TPRG1: variants seen among roughly 807,000 people sequenced by gnomAD.
TPRG1 encodes the protein tumor protein p63 regulated 1, also known as tumor protein p63-regulated gene 1 protein.
In TPRG1, 29 loss-of-function variants were observed where a neutral mutation model predicts 29.3. That is an observed-to-expected ratio of 0.99 (90% CI 0.74 to 1.35). The LOEUF (loss-of-function observed/expected upper bound fraction) is 1.35, where lower values mean the gene tolerates loss of function less well. Ranked by LOEUF, TPRG1 falls within the 40% of genes most tolerant of loss-of-function variation. The pLI is 0.00. For synonymous variants in TPRG1, 130 were observed against 116.8 expected, an observed-to-expected ratio of 1.11 and a Z score of -0.73; for missense variants, 327 against 335.0, an observed-to-expected ratio of 0.98 and a Z score of 0.19.
chr3:189,264,836 A>C (rs1185094795), intron 4 of TPRG1, among the ~76,000 whole-genome samples: 1 of 152,218 alleles, frequency 6.6e-6, no homozygotes, highest in African/African-American at 2.4e-5. Context: ...AAAATCCCAC[A>C]GTATTTTTCT....
chr3:189,301,790 A>G (rs1187425743), intron 4 of TPRG1, among the ~76,000 whole-genome samples: 3 of 152,186 alleles, frequency 2.0e-5, no homozygotes, highest in Non-Finnish European at 4.4e-5. Flanking sequence ...CTAGTTTTGC[A>G]TCTGGCAATT....
At chr3:189,283,646 G>T (rs1050835543) in intron 4 of TPRG1, among the ~76,000 whole-genome samples, 3 of 152,180 alleles carry the variant, frequency 2.0e-5, no homozygotes, top group African/African-American at 7.2e-5. Flanking sequence ...GTTGGGGAAC[G>T]ATCAGCAGTG....
At chr3:189,118,238 T>G (rs1454561022) in intron 1 of TPRG1, among the ~76,000 whole-genome samples, 1 of 152,170 alleles carries the variant, frequency 6.6e-6, no homozygotes, top group Non-Finnish European at 1.5e-5. Context: ...GGAAAGAGAC[T>G]GGCCGCATTC....
chr3:189,031,183 C>G (rs934938750), intron 4 of TPRG1, among the ~76,000 whole-genome samples: 5 of 151,804 alleles, frequency 3.3e-5, no homozygotes, highest in African/African-American at 1.2e-4. Flanking sequence ...CCCAGCTGCT[C>G]GGGAGGCTGA....
intron 1 of TPRG1, among the ~76,000 whole-genome samples, chr3:189,189,306 A>G (rs6764216): frequency 0.36 from 54,970 of 151,584 alleles, 10,063 homozygotes; most frequent in South Asian, 0.52. Flanking sequence ...TGCCATAGAT[A>G]TCTTTCTATT....
intron 4 of TPRG1, among the ~76,000 whole-genome samples, chr3:189,258,926 T>C (rs1482234262): frequency 6.6e-6 from 1 of 152,190 alleles, no homozygotes; most frequent in Non-Finnish European, 1.5e-5. Flanking sequence ...CAGTGGATCT[T>C]AGCTTGCTGG....
intron 1 of TPRG1, among the ~76,000 whole-genome samples, chr3:189,187,279 C>T (rs1417614749): frequency 2.0e-5 from 3 of 148,252 alleles, no homozygotes; most frequent in South Asian, 2.2e-4. Context: ...TGAGCCACCC[C>T]GGCCAAGTTC....
Position 189,217,748 on chromosome 3 carries a change from A to T in TPRG1, c.302+2365A>T. ...TCTGGTCCAAATAAATGAGGTTCCT[A>T]GTCTAGCCACTGTTACTTTTCAAGC... On this transcript the variant is annotated intron_variant, in intron 3 of 5. Coordinates refer to ENST00000345063, the MANE Select transcript of TPRG1 (RefSeq NM_198485.4). 5.9e-6 allele frequency: 5 copies of T among 851,688 alleles called. No individual in the cohort carries two copies. The South Asian group carries it at 2.7e-4, about 46-fold the overall frequency. The allele number at this position is 851,688 out of a possible 1,614,324, so 52.8% of individuals were successfully genotyped here.
chr3:189,312,694 C>T (rs1248973086), intron 5 of TPRG1, among the ~76,000 whole-genome samples: 1 of 152,098 alleles, frequency 6.6e-6, no homozygotes, highest in Non-Finnish European at 1.5e-5. Flanking sequence ...TGTGCTTTAT[C>T]TTATTCTGTT....
chr3:189,057,878 A>ATATATACACACATACGTATGTGTG (rs1715837421), intron 4 of TPRG1, among the ~76,000 whole-genome samples: 1 of 147,712 alleles, frequency 6.8e-6, no homozygotes, highest in African/African-American at 2.5e-5. Context: ...ATGTGTGTAT[A>ATATATACACACATACGTATGTGTG]TATATATACG....
intron 4 of TPRG1, among the ~76,000 whole-genome samples, chr3:189,080,865 G>T (rs1359556106): frequency 6.6e-6 from 1 of 151,836 alleles, no homozygotes; most frequent in Non-Finnish European, 1.5e-5. Flanking sequence ...ATGAGAAAAT[G>T]GTATTGAAGG....
intron 4 of TPRG1, among the ~76,000 whole-genome samples, chr3:189,272,533 C>T (rs971039910): frequency 6.6e-6 from 1 of 152,078 alleles, no homozygotes; most frequent in Admixed American, 6.6e-5. Context: ...GGGCAAGTCT[C>T]GTTCTTCAAA....
At chr3:189,025,329 G>T (rs1475724664) in intron 4 of TPRG1, among the ~76,000 whole-genome samples, 2 of 152,128 alleles carry the variant, frequency 1.3e-5, no homozygotes, top group Admixed American at 6.5e-5. Flanking sequence ...TGGGGTGGGG[G>T]TTCCCTTGGC....
intron 4 of TPRG1, among the ~76,000 whole-genome samples, chr3:189,245,521 C>T (rs1397908311): frequency 3.3e-5 from 5 of 152,092 alleles, no homozygotes; most frequent in African/African-American, 1.2e-4. Context: ...TTATAGATAT[C>T]TTAATTATAC....
At chr3:189,231,203 C>T (rs975566356) in intron 3 of TPRG1, among the ~76,000 whole-genome samples, 58 of 151,372 alleles carry the variant, frequency 3.8e-4, no homozygotes, top group Admixed American at 1.8e-3. Context: ...CTAGTTATGC[C>T]AGAAAAACTG....
chr3:189,077,248 C>T (rs1717239523), intron 4 of TPRG1, among the ~76,000 whole-genome samples: 1 of 152,042 alleles, frequency 6.6e-6, no homozygotes, highest in Admixed American at 6.6e-5. Context: ...ATTATTAATT[C>T]AACGTCATAT....
intron 3 of TPRG1, among the ~76,000 whole-genome samples, chr3:189,230,449 T>G (rs1293587700): frequency 6.6e-6 from 1 of 152,002 alleles, no homozygotes; most frequent in African/African-American, 2.4e-5. Context: ...AAAAAATGTG[T>G]TGTGTCCCTG....
At chr3:189,170,277 G>A (rs550814608), upstream of TPRG1, among the ~76,000 whole-genome samples, 3 of 152,252 alleles carry the variant, frequency 2.0e-5, no homozygotes, top group African/African-American at 7.2e-5. Context: ...CCTAGATACC[G>A]GTTCTGTAAA....
At position 189,240,083 on chromosome 3, in the gene TPRG1, A is replaced by G. The variant is rs1202162010; in HGVS notation, c.479+1174A>G. On this transcript the variant is annotated intron_variant, in intron 4 of 5. Coordinates refer to ENST00000345063, the MANE Select transcript of TPRG1 (RefSeq NM_198485.4). ...TAGTAGGGTCTGAAATCTTTTCAAT[A>G]TACAGAAAAAAGCACGAGTTCATCA... 2.0e-5 allele frequency among the ~76,000 whole-genome samples: 3 copies of G among 152,176 alleles called. No homozygotes were observed. The East Asian group carries it at 5.8e-4, about 29-fold the overall frequency.
Sources: allele counts gnomAD v4.1 joint callset (sites outside exome capture counted in the v4.1 genomes callset), GRCh38; gene constraint gnomAD v4.1.1; transcripts MANE v1.5; gene names NCBI Gene and HGNC (gene_info 2026-07-23, HGNC 2026-07-21).